Variants in ABCA8 observed in about 807,000 individuals in gnomAD.
ABCA8 encodes ATP binding cassette subfamily A member 8, also known as ABC-type organic anion transporter ABCA8.
In ABCA8, 177 loss-of-function variants were observed where a neutral mutation model predicts 192.3. The ratio of observed to expected loss-of-function variants is 0.92; its 90% CI spans 0.81 to 1.04. ABCA8 has a LOEUF of 1.04. Ranked by LOEUF, ABCA8 falls within the 50% of genes least tolerant of loss-of-function variation. The pLI, the probability that ABCA8 is intolerant of heterozygous loss-of-function variation, is 0.00. For synonymous variants in ABCA8, 642 were observed against 690.2 expected (o/e 0.93, Z 1.09); for missense variants, 1,915 against 1,904.8 (o/e 1.01, Z -0.10).
intron 31 of ABCA8, 121 bp from the exon 32 acceptor site, chr17:68,881,332 C>T: frequency 1.4e-6 from 1 of 710,054 alleles, no homozygotes; most frequent in Non-Finnish European, 2.4e-6. Context: ...TTGTCACAAC[C>T]ACCCTGAGAA....
intron 37 of ABCA8, among the ~76,000 whole-genome samples, chr17:68,874,670 A>AT (rs1017395371): frequency 5.9e-5 from 9 of 151,974 alleles, no homozygotes; most frequent in Non-Finnish European, 1.0e-4. Flanking sequence ...CCTTGTTATC[A>AT]TTTTTTTCAC....
At chr17:68,945,322 G>T (rs2068368673) in intron 2 of ABCA8, among the ~76,000 whole-genome samples, 1 of 127,140 alleles carries the variant, frequency 7.9e-6, no homozygotes, top group South Asian at 2.8e-4. Context: ...ATAGCTTTTT[G>T]TACTCAGTTG....
At chr17:68,896,554 G>T (rs1178525074) in intron 21 of ABCA8, among the ~76,000 whole-genome samples, 2 of 152,136 alleles carry the variant, frequency 1.3e-5, no homozygotes, top group Non-Finnish European at 2.9e-5. Flanking sequence ...ATGTGAATCA[G>T]CCCCTTGTCT....
intron 17 of ABCA8, among the ~76,000 whole-genome samples, chr17:68,913,808 C>T (rs2067282199): frequency 1.3e-5 from 2 of 152,080 alleles, no homozygotes; most frequent in African/African-American, 2.4e-5. Context: ...TAATACCAAT[C>T]CTATTCAAAA....
intron 14 of ABCA8, 102 bp downstream of exon 14, chr17:68,919,199 G>A: frequency 1.8e-6 from 2 of 1,124,560 alleles, no homozygotes; most frequent in Non-Finnish European, 2.5e-6. Flanking sequence ...TCCAACAATT[G>A]TACAATGATT....
At chr17:68,914,256 A>G (rs190002195) in intron 17 of ABCA8, among the ~76,000 whole-genome samples, 6 of 152,212 alleles carry the variant, frequency 3.9e-5, no homozygotes, top group Admixed American at 3.9e-4. Context: ...GCCCACTTTC[A>G]CCATTGTTAT....
At chr17:68,924,964 CTAAA>C in intron 10 of ABCA8, 95 bp from the exon 11 acceptor site, 1 of 1,324,136 alleles carries the variant, frequency 7.6e-7, no homozygotes, top group Non-Finnish European at 1.0e-6. Context: ...CCCTTTGTTG[CTAAA>C]CCTGAACATG....
Position 68,868,713 on chromosome 17 carries a change from G to A in ABCA8, c.4712-357C>T, listed in dbSNP as rs572094127. ...GAAAAGGCTTGTATCAGAAGATTAT[G>A]GAGAAGGATTTGTGAGCCTTTTTAG... On this transcript the variant is annotated intron_variant, in intron 38 of 39. Coordinates refer to ENST00000586539, the MANE Select transcript of ABCA8 (RefSeq NM_001288985.2). Among the ~76,000 whole-genome samples the A allele has an allele frequency of 1.4e-4, 21 of 152,254 alleles. No individual in the cohort carries two copies. In the South Asian group the frequency reaches 3.1e-3, roughly 23 times the overall value.
rs1299456117 is a variant in ABCA8 at position 68,955,363 on chromosome 17, T to C, written c.-311A>G. 2 of 152,228 alleles carry C rather than the reference T, an allele frequency of 1.3e-5. No individual in the cohort carries two copies. Among genetic ancestry groups the C allele is most frequent in the African/African-American group, 2.4e-5 (1 of 41,472 alleles). 9.4% of individuals were successfully genotyped at this position (152,228 alleles called of 1,614,324 possible). A position where few individuals can be genotyped will look rare whatever the true frequency, so the allele number is the denominator to read the frequency against. On this transcript the variant is annotated 5_prime_UTR_variant, in exon 1 of 40. Coordinates refer to ENST00000586539, the MANE Select transcript of ABCA8 (RefSeq NM_001288985.2). Reference sequence around the variant, plus strand: ...CTATTTGACTTCTGTGAAAAGTTTCTGTGAAGACTGCTTTCAGAGTGGAGG... The same window carrying C: ...CTATTTGACTTCTGTGAAAAGTTTCCGTGAAGACTGCTTTCAGAGTGGAGG...
chr17:68,882,538 A>T, intron 30 of ABCA8, 61 bp downstream of exon 30: 1 of 1,463,452 alleles, frequency 6.8e-7, no homozygotes, highest in Admixed American at 2.1e-5. Context: ...AGAAACTCAA[A>T]ATCATTAGAG....
At chr17:68,868,387 A>G (rs1252498454) in intron 38 of ABCA8, 31 bp from the exon 39 acceptor site, 6 of 1,563,298 alleles carry the variant, frequency 3.8e-6, no homozygotes, top group East Asian at 2.2e-5. Context: ...ATTAGTTCAT[A>G]TATTTCATAT....
Position 68,894,967 on chromosome 17 carries a change from T to G in ABCA8, c.2811A>C (p.Ile937=). ...TTCCAAATGCATCCACTTCTAAAGC[T>G]ATGTTCTGGTGCTCCACAGACTGTA... ...DFIQSVEHQN[I]ALEVDAFGTR... The change falls in exon 22 of 40, where the codon ATA becomes ATC. Residue 937 remains isoleucine, a synonymous_variant. Transcript: ENST00000586539. 1 of 1,613,686 alleles carries G rather than the reference T, an allele frequency of 6.2e-7. No homozygotes were observed. The highest frequency in any genetic ancestry group is 8.5e-7 in the Non-Finnish European group (1 of 1,179,788).
At chr17:68,926,141 A>C (rs969462155) in intron 10 of ABCA8, among the ~76,000 whole-genome samples, 2 of 151,646 alleles carry the variant, frequency 1.3e-5, no homozygotes, top group African/African-American at 2.4e-5. Flanking sequence ...TCATTAGAGT[A>C]TGTTTGAAAC....
In ABCA8 at chr17:68,883,801, G is replaced by T; in HGVS notation, c.3697C>A (p.Pro1233Thr). 1 of 1,583,042 alleles carries T rather than the reference G, an allele frequency of 6.3e-7. No homozygotes were observed. Among genetic ancestry groups the T allele is most frequent in the Non-Finnish European group, 8.6e-7 (1 of 1,165,714 alleles). Residue 1233 changes from proline to threonine, a missense_variant, in exon 29 of 40, where the codon CCT (proline) becomes ACT (threonine). By Grantham distance (38) the Pro-to-Thr change is conservative. Transcript: ENST00000586539. ...TGTGTTTTTTCCAACCTAAAGAAAG[G>T]ATCCTTTCTCATTGATTTCTTTCCA... The part of the protein sequence containing the change: ...KFGKKSMRKD[P>T]FFRISPRSSD...
chr17:68,942,120 CG>C, intron 2 of ABCA8, 81 bp from the exon 3 acceptor site: 1 of 987,756 alleles, frequency 1.0e-6, no homozygotes, highest in Non-Finnish European at 1.5e-6. Context: ...AACAAAAAAA[CG>C]TAGCCTAATA....
At position 68,903,315 on chromosome 17, in the gene ABCA8, T is replaced by C. The variant is rs1051609658; in HGVS notation, c.2583A>G (p.Lys861=). 6.2e-7 allele frequency: 1 copy of C among 1,614,186 alleles called. No individual in the cohort carries two copies. Among genetic ancestry groups the C allele is most frequent in the Non-Finnish European group, 8.5e-7 (1 of 1,180,026 alleles). ...CTGATACTTACAGTGCTAAAAGAGC[T>C]TTTCTTTCATGCTTTAACTTTAACA... ...VRLLKLKHER[K]ALLALLLILM... is the part of the protein sequence containing the mutation. Residue 861 remains lysine (K), a synonymous_variant, in exon 20 of 40, where the codon AAA becomes AAG. Coordinates refer to ENST00000586539, the MANE Select transcript of ABCA8 (RefSeq NM_001288985.2).
intron 18 of ABCA8, among the ~76,000 whole-genome samples, chr17:68,907,364 CA>C (rs758393080): frequency 6.6e-6 from 1 of 151,734 alleles, no homozygotes; most frequent in Admixed American, 6.6e-5. Context: ...CTGAAAAACC[CA>C]AAGTTATTGC....
rs947306741 is a variant in ABCA8 at position 68,873,479 on chromosome 17, T to G, written c.4631+1781A>C. 3.9e-5 allele frequency among the ~76,000 whole-genome samples: 6 copies of G among 152,232 alleles called. No homozygotes were observed. In the East Asian group the frequency reaches 1.2e-3, roughly 29 times the overall value. On this transcript the variant is annotated intron_variant, in intron 37 of 39. Coordinates refer to ENST00000586539, the MANE Select transcript of ABCA8 (RefSeq NM_001288985.2). ...CTTTGTCATATATATAATTTGCAAA[T>G]AATCCTCCCATTCCATAGGTTGCCT...
At chr17:68,949,907 C>T (rs1290100742) in intron 1 of ABCA8, among the ~76,000 whole-genome samples, 1 of 152,194 alleles carries the variant, frequency 6.6e-6, no homozygotes, top group Non-Finnish European at 1.5e-5. Flanking sequence ...CCTCTCTCAC[C>T]ACTCCTATTC....
Sources: gnomAD v4.1 joint callset for allele counts (sites outside exome capture counted in the v4.1 genomes callset) on GRCh38, gnomAD v4.1.1 for gene constraint, MANE v1.5 for transcripts, NCBI Gene and HGNC (gene_info 2026-07-23, HGNC 2026-07-21) for gene names.